Variants in SCFD2 observed in about 807,000 individuals in gnomAD.
SCFD2 encodes the protein sec1 family domain-containing protein 2.
A neutral mutation model predicts 58.9 loss-of-function variants in SCFD2; 54 were observed. That is an observed-to-expected ratio of 0.92 (90% CI 0.74 to 1.15). The LOEUF (loss-of-function observed/expected upper bound fraction) is 1.15, where lower values mean the gene tolerates loss of function less well. Ranked by LOEUF, SCFD2 falls within the 50% of genes most tolerant of loss-of-function variation. SCFD2 has a pLI of 0.00. For missense variants in SCFD2, 805 were observed against 836.6 expected, an observed-to-expected ratio of 0.96 and a Z score of 0.47; for synonymous variants, 321 against 335.9, an observed-to-expected ratio of 0.96 and a Z score of 0.49.
At chr4:52,895,484 C>T (rs1175925666) in intron 7 of SCFD2, among the ~76,000 whole-genome samples, 2 of 152,146 alleles carry the variant, frequency 1.3e-5, no homozygotes, top group East Asian at 1.9e-4. Flanking sequence ...ATCCATGTCC[C>T]TACAAAGGAC....
At chr4:52,923,620 G>A (rs995255942) in intron 5 of SCFD2, among the ~76,000 whole-genome samples, 1 of 152,106 alleles carries the variant, frequency 6.6e-6, no homozygotes, top group Non-Finnish European at 1.5e-5. Context: ...AAGAATGAAG[G>A]GATTCAGGAA....
chr4:53,018,489 G>A (rs1296320804), intron 5 of SCFD2, among the ~76,000 whole-genome samples: 2 of 152,144 alleles, frequency 1.3e-5, no homozygotes, highest in African/African-American at 4.8e-5. Context: ...TCACACTTCA[G>A]AGGCCAATTT....
intron 8 of SCFD2, among the ~76,000 whole-genome samples, chr4:52,884,438 G>A (rs570267449): frequency 1.3e-5 from 2 of 152,168 alleles, no homozygotes; most frequent in Admixed American, 1.3e-4. Context: ...GACATCCCCA[G>A]GCTCTCTGAC....
At chr4:52,967,049 T>C (rs1720979813) in intron 5 of SCFD2, among the ~76,000 whole-genome samples, 1 of 152,224 alleles carries the variant, frequency 6.6e-6, no homozygotes, top group Non-Finnish European at 1.5e-5. Context: ...TTACTTTCTG[T>C]CTCTATGAAT....
At chr4:52,973,396 T>A (rs1318233212) in intron 5 of SCFD2, among the ~76,000 whole-genome samples, 2 of 152,168 alleles carry the variant, frequency 1.3e-5, no homozygotes, top group Non-Finnish European at 2.9e-5. Flanking sequence ...AACAACTCTA[T>A]GCAAATAAAC....
At chr4:53,283,308 T>G (rs1731562619) in intron 3 of SCFD2, among the ~76,000 whole-genome samples, 1 of 152,236 alleles carries the variant, frequency 6.6e-6, no homozygotes, top group Non-Finnish European at 1.5e-5. Flanking sequence ...TTTTGTTGTT[T>G]CTGTGTTTTA....
intron 5 of SCFD2, among the ~76,000 whole-genome samples, chr4:53,001,137 G>A (rs146396809): frequency 1.2e-4 from 18 of 152,286 alleles, no homozygotes; most frequent in Admixed American, 2.6e-4. Context: ...TACCTCCTTA[G>A]AACTAAGTTT....
At chr4:53,279,642 A>AT (rs1310544928) in intron 3 of SCFD2, among the ~76,000 whole-genome samples, 2 of 152,250 alleles carry the variant, frequency 1.3e-5, no homozygotes, top group African/African-American at 4.8e-5. Flanking sequence ...ATTCCAATGC[A>AT]TTAAGAAGCT....
chr4:53,166,291 A>G (rs1446200193), intron 4 of SCFD2, among the ~76,000 whole-genome samples: 6 of 152,248 alleles, frequency 3.9e-5, no homozygotes, highest in African/African-American at 7.2e-5. Context: ...TCTTTTTGAT[A>G]TAAAGAAAAA....
At chr4:53,102,150 A>G (rs1235878448) in intron 5 of SCFD2, among the ~76,000 whole-genome samples, 1 of 152,170 alleles carries the variant, frequency 6.6e-6, no homozygotes, top group Non-Finnish European at 1.5e-5. Flanking sequence ...GTGCAACTCA[A>G]AATGCTGGGG....
chr4:53,206,198 T>C, intron 4 of SCFD2, among the ~76,000 whole-genome samples: 1 of 152,186 alleles, frequency 6.6e-6, no homozygotes, highest in East Asian at 1.9e-4. Flanking sequence ...TTTCAAAGTC[T>C]GTAGGCAACC....
intron 4 of SCFD2, among the ~76,000 whole-genome samples, chr4:53,166,540 C>A (rs1577795256): frequency 6.6e-6 from 1 of 151,860 alleles, no homozygotes; most frequent in South Asian, 2.1e-4. Context: ...AAAAAAGAGA[C>A]AAATTTTGAA....
intron 7 of SCFD2, among the ~76,000 whole-genome samples, chr4:52,905,019 A>T (rs899036269): frequency 5.9e-5 from 9 of 152,246 alleles, no homozygotes; most frequent in Non-Finnish European, 1.3e-4. Context: ...GAATGGTAAG[A>T]ACTTGGCTGA....
In SCFD2 at chr4:53,058,140, T is replaced by G. The variant is rs1252582698; in HGVS notation, c.1561+87193A>C. Among the ~76,000 whole-genome samples the G allele has an allele frequency of 2.0e-5, 3 of 152,300 alleles. No homozygotes were observed. The South Asian group carries it at 6.2e-4, about 32-fold the overall frequency. Reference sequence around the variant, plus strand: ...AATCTAATTACAAATATGATTAATTTTAACATTCTATCTTAAATAATGTTA... The same window carrying G: ...AATCTAATTACAAATATGATTAATTGTAACATTCTATCTTAAATAATGTTA... On this transcript the variant is annotated intron_variant, in intron 5 of 8. Transcript: ENST00000401642.
chr4:52,974,865 G>A (rs1293681293), intron 5 of SCFD2, among the ~76,000 whole-genome samples: 13 of 151,886 alleles, frequency 8.6e-5, no homozygotes, highest in South Asian at 2.1e-4. Context: ...AAATAATGCC[G>A]CATATCTACA....
intron 4 of SCFD2, among the ~76,000 whole-genome samples, chr4:53,250,062 C>A (rs1730297884): frequency 6.6e-6 from 1 of 152,112 alleles, no homozygotes; most frequent in African/African-American, 2.4e-5. Context: ...ACCCATCTCA[C>A]ATGCAGAGAC....
chr4:53,212,335 C>T (rs1728639306), intron 4 of SCFD2, among the ~76,000 whole-genome samples: 1 of 151,990 alleles, frequency 6.6e-6, no homozygotes, highest in African/African-American at 2.4e-5. Context: ...CTTAGTGTAA[C>T]TCTCAGAGCA....
chr4:53,049,248 TTGCCATTAGAAG>T (rs1723123901), intron 5 of SCFD2, among the ~76,000 whole-genome samples: 1 of 152,208 alleles, frequency 6.6e-6, no homozygotes, highest in Non-Finnish European at 1.5e-5. Context: ...CTGCCCAGCC[TTGCCATTAGAAG>T]TCTTGTGACA....
At chr4:53,340,903 A>T (rs928697859) in intron 2 of SCFD2, among the ~76,000 whole-genome samples, 2 of 152,210 alleles carry the variant, frequency 1.3e-5, no homozygotes, top group Non-Finnish European at 1.5e-5. Flanking sequence ...GAGGGTCCTG[A>T]CTGTTAGAAG....
Sources: gnomAD v4.1 joint callset for allele counts (sites outside exome capture counted in the v4.1 genomes callset) on GRCh38, gnomAD v4.1.1 for gene constraint, MANE v1.5 for transcripts, NCBI Gene and HGNC (gene_info 2026-07-23, HGNC 2026-07-21) for gene names.